HMGA2: variants seen among roughly 807,000 people sequenced by gnomAD.
The protein encoded by HMGA2 is high mobility group protein HMGI-C.
HMGA2 carries 8 observed loss-of-function variants against 19.1 expected under a neutral mutation model. The observed-to-expected ratio is 0.42, with a 90% confidence interval of 0.25 to 0.76. The LOEUF is 0.76. Among genes scored for constraint, HMGA2 ranks in the 30% least tolerant of loss-of-function variants. HMGA2 has a pLI of 0.28. For missense variants in HMGA2, 109 were observed against 136.3 expected (o/e 0.80, Z 1.00); for synonymous variants, 60 against 48.8 (o/e 1.23, Z -0.96).
At chr12:65,897,941 A>G (rs11175949) in intron 3 of HMGA2, among the ~76,000 whole-genome samples, 37,119 of 150,480 alleles carry the variant, frequency 0.25, 6,074 homozygotes, top group African/African-American at 0.46. Flanking sequence ...TCCAGCCTGG[A>G]TGACAAGAGC....
chr12:65,926,171 T>C (rs1875497456), intron 3 of HMGA2, among the ~76,000 whole-genome samples: 1 of 152,230 alleles, frequency 6.6e-6, no homozygotes, highest in Non-Finnish European at 1.5e-5. Flanking sequence ...GAAGCTCGGA[T>C]TTTTGAAAAG....
intron 3 of HMGA2, among the ~76,000 whole-genome samples, chr12:65,904,117 C>A (rs1371000890): frequency 6.6e-6 from 1 of 152,204 alleles, no homozygotes. Flanking sequence ...AACTTTAAAT[C>A]ATTAGCTTCA....
intron 3 of HMGA2, among the ~76,000 whole-genome samples, chr12:65,944,023 G>A (rs1487531751): frequency 6.6e-6 from 1 of 152,198 alleles, no homozygotes; most frequent in Non-Finnish European, 1.5e-5. Context: ...ACCTAGAGGT[G>A]TGATTTGTAT....
intron 3 of HMGA2, among the ~76,000 whole-genome samples, chr12:65,885,914 C>T (rs867909835): frequency 2.0e-5 from 3 of 152,080 alleles, no homozygotes; most frequent in Non-Finnish European, 4.4e-5. Context: ...CCCTTAGTTC[C>T]GGGAACTGCC....
chr12:65,941,438 T>G (rs1172712741), intron 3 of HMGA2, among the ~76,000 whole-genome samples: 1 of 152,176 alleles, frequency 6.6e-6, no homozygotes, highest in Admixed American at 6.5e-5. Context: ...CGGGAATAGT[T>G]AATGTTTCTC....
At chr12:65,896,965 C>T (rs1409941621) in intron 3 of HMGA2, among the ~76,000 whole-genome samples, 3 of 152,150 alleles carry the variant, frequency 2.0e-5, no homozygotes, top group Admixed American at 6.6e-5. Flanking sequence ...TGGGGTAACT[C>T]GTCACTGTTG....
chr12:65,921,469 G>C (rs111937394), intron 3 of HMGA2, among the ~76,000 whole-genome samples: 1 of 152,050 alleles, frequency 6.6e-6, no homozygotes, highest in Non-Finnish European at 1.5e-5. Flanking sequence ...CGATGGTCTC[G>C]ATCTCCTGAC....
chr12:65,904,208 C>G (rs1314721082), intron 3 of HMGA2, among the ~76,000 whole-genome samples: 1 of 152,220 alleles, frequency 6.6e-6, no homozygotes, highest in Non-Finnish European at 1.5e-5. Flanking sequence ...AGAGGCTGGG[C>G]CTAGAATCTG....
At chr12:65,882,167 G>C (rs1261721642) in intron 3 of HMGA2, 2 of 387,166 alleles carry the variant, frequency 5.2e-6, no homozygotes, top group African/African-American at 4.1e-5. Flanking sequence ...CTTGCGGGCT[G>C]GCCTTTCTGC....
chr12:65,949,959 A>C (rs1186405307), intron 3 of HMGA2, among the ~76,000 whole-genome samples: 1 of 152,254 alleles, frequency 6.6e-6, no homozygotes, highest in Non-Finnish European at 1.5e-5. Context: ...GATGCTCAAC[A>C]TCATTAGTTG....
At chr12:65,850,483 G>T (rs551949912) in intron 3 of HMGA2, among the ~76,000 whole-genome samples, 1 of 151,496 alleles carries the variant, frequency 6.6e-6, no homozygotes, top group African/African-American at 2.4e-5. Context: ...AGAGAGCTTG[G>T]CCTTACATAG....
At chr12:65,891,564 A>G (rs969831793) in intron 3 of HMGA2, among the ~76,000 whole-genome samples, 2 of 152,180 alleles carry the variant, frequency 1.3e-5, no homozygotes, top group African/African-American at 4.8e-5. Flanking sequence ...ATCAACATGC[A>G]TTGTTGAAAG....
chr12:65,848,834 A>G (rs899710786), intron 3 of HMGA2, among the ~76,000 whole-genome samples: 5 of 152,028 alleles, frequency 3.3e-5, no homozygotes, highest in African/African-American at 7.2e-5. Context: ...CCGCAGTCCG[A>G]CCTGGGCGAC....
chr12:65,849,736 A>ATTTTTTTTTTTTTTTTTTTTTTTTTTTT lies in HMGA2; in HGVS notation c.249+11191_249+11192insTTTTTTTTTTTTTTTTTTTTTTTTTTTT, dbSNP rs34541445. On this transcript the variant is annotated intron_variant, in intron 3 of 4. Transcript: ENST00000403681. ...AAACCAAGACAATGGTAGGCTCTGT[A>ATTTTTTTTTTTTTTTTTTTTTTTTTTTT]TTTTTTTTTTTTTTTTTTTTTTTTG... Among the ~76,000 whole-genome samples the ATTTTTTTTTTTTTTTTTTTTTTTTTTTT allele has an allele frequency of 8.2e-5, 7 of 85,124 alleles. 1 individual carries two copies. The highest frequency in any genetic ancestry group is 2.2e-4 in the African/African-American group (4 of 18,528). The allele number at this position is 85,124 out of a possible 152,430, so 55.8% of individuals were successfully genotyped here.
At chr12:65,879,262 G>C (rs1038841683) in intron 3 of HMGA2, among the ~76,000 whole-genome samples, 2 of 152,044 alleles carry the variant, frequency 1.3e-5, no homozygotes, top group Admixed American at 1.3e-4. Context: ...CAAGTAGCTG[G>C]GACTACAGGC....
At chr12:65,866,023 A>G (rs1872390776) in intron 3 of HMGA2, among the ~76,000 whole-genome samples, 1 of 152,178 alleles carries the variant, frequency 6.6e-6, no homozygotes, top group Non-Finnish European at 1.5e-5. Flanking sequence ...AACTCTGGGA[A>G]TCATAGCAAG....
In HMGA2 at chr12:65,824,966, T is replaced by G. The variant is rs1351085505; in HGVS notation, c.-305T>G. ...TTCTCCCTCGCTTCCCTCCTCCTCT[T>G]GCTACCTCCACCTCCACCGCCACCT... On this transcript the variant is annotated 5_prime_UTR_variant, in exon 1 of 5. Coordinates refer to ENST00000403681, the MANE Select transcript of HMGA2 (RefSeq NM_003483.6). 7.6e-6 allele frequency: 3 copies of G among 394,806 alleles called. No homozygotes were observed. In the Admixed American group the frequency reaches 1.4e-4, roughly 19 times the overall value. 24.5% of individuals were successfully genotyped at this position (394,806 alleles called of 1,614,324 possible).
chr12:65,881,646 G>A (rs1873396075), intron 3 of HMGA2: 4 of 667,846 alleles, frequency 6.0e-6, no homozygotes, highest in East Asian at 2.7e-5. Context: ...GAGGGAGGGA[G>A]GGAGAAAGAG....
chr12:65,913,761 G>A (rs866162015), intron 3 of HMGA2, among the ~76,000 whole-genome samples: 2 of 152,150 alleles, frequency 1.3e-5, no homozygotes. Context: ...TCTGTCAGGT[G>A]GGGTTCATGG....
Sources: allele counts gnomAD v4.1 joint callset (sites outside exome capture counted in the v4.1 genomes callset), GRCh38; gene constraint gnomAD v4.1.1; transcripts MANE v1.5; gene names NCBI Gene and HGNC (gene_info 2026-07-23, HGNC 2026-07-21).